DOCK4: variants seen among roughly 807,000 people sequenced by gnomAD.
DOCK4 encodes dedicator of cytokinesis protein 4.
Under a neutral mutation model 268.1 loss-of-function variants are expected in DOCK4, and 97 were observed. The observed-to-expected ratio is 0.36, with a 90% CI of 0.31 to 0.43. DOCK4 has a LOEUF of 0.43. Ranked by LOEUF, DOCK4 falls within the 20% of genes least tolerant of loss-of-function variation. DOCK4 has a pLI of 1.00. For missense variants in DOCK4, 2,145 were observed against 2,455.7 expected (o/e 0.87, Z 2.67); for synonymous variants, 954 against 887.2 (o/e 1.08, Z -1.34).
At chr7:111,900,557 C>G (rs1379141426) in intron 14 of DOCK4, 21 bp from the exon 15 acceptor site, 1 of 1,602,774 alleles carries the variant, frequency 6.2e-7, no homozygotes, top group South Asian at 1.1e-5. Flanking sequence ...GAAGAACACA[C>G]AGGTTAAAGA....
At position 111,770,225 on chromosome 7, in the gene DOCK4, A is replaced by G. The variant is rs1265887182; in HGVS notation, c.3680-548T>C. On this transcript the variant is annotated intron_variant, in intron 36 of 52. Transcript: ENST00000428084. ...CCAGAGAGGAGCTGAGTGAAGACCA[A>G]AAAAAAAAAAAAAAAGAAAAAGAAA... Among the ~76,000 whole-genome samples the G allele has an allele frequency of 1.2e-3, 161 of 130,702 alleles. 2 individuals carry two copies. Among genetic ancestry groups the G allele is most frequent in the Admixed American group, 0.012 (161 of 13,918 alleles). The allele number at this position is 130,702 out of a possible 152,430, so 85.7% of individuals were successfully genotyped here.
intron 31 of DOCK4, 73 bp downstream of exon 31, chr7:111,790,384 G>T: frequency 6.4e-7 from 1 of 1,550,558 alleles, no homozygotes; most frequent in South Asian, 1.2e-5. Flanking sequence ...AGTTGGAGTT[G>T]AATCCAGAAG....
At chr7:111,969,563 T>C (rs1797533932) in intron 8 of DOCK4, among the ~76,000 whole-genome samples, 1 of 151,524 alleles carries the variant, frequency 6.6e-6, no homozygotes. Context: ...CAAACAATCC[T>C]GCAAAGGACA....
intron 6 of DOCK4, among the ~76,000 whole-genome samples, chr7:111,985,116 A>G (rs1223839856): frequency 1.3e-5 from 2 of 152,158 alleles, no homozygotes; most frequent in Non-Finnish European, 2.9e-5. Context: ...TCAACAGAGG[A>G]ACACGAGTCT....
At chr7:112,035,901 GA>G (rs1275730221) in intron 1 of DOCK4, among the ~76,000 whole-genome samples, 15 of 151,992 alleles carry the variant, frequency 9.9e-5, no homozygotes, top group African/African-American at 3.4e-4. Context: ...GCTATAACTT[GA>G]ATAAGTTTTT....
chr7:111,765,025 C>A, intron 39 of DOCK4, 93 bp downstream of exon 39: 2 of 541,896 alleles, frequency 3.7e-6, no homozygotes, highest in Non-Finnish European at 3.1e-6. Context: ...CATATTATTA[C>A]CTGTCATATA....
At chr7:112,129,195 C>T (rs922824226) in intron 1 of DOCK4, among the ~76,000 whole-genome samples, 2 of 152,138 alleles carry the variant, frequency 1.3e-5, no homozygotes, top group African/African-American at 4.8e-5. Context: ...CTGGTGCATA[C>T]TATGGGATAC....
chr7:111,924,641 G>A (rs562970721), intron 12 of DOCK4, among the ~76,000 whole-genome samples: 2 of 152,282 alleles, frequency 1.3e-5, no homozygotes, highest in South Asian at 4.2e-4. Flanking sequence ...AATACAATTT[G>A]TGACCAGGCA....
intron 42 of DOCK4, among the ~76,000 whole-genome samples, chr7:111,748,881 A>C (rs1796451364): frequency 6.6e-6 from 1 of 152,198 alleles, no homozygotes; most frequent in South Asian, 2.1e-4. Flanking sequence ...GGAATGGAAT[A>C]GTATACAGCA....
chr7:112,083,225 C>A (rs1204519386), intron 1 of DOCK4, among the ~76,000 whole-genome samples: 1 of 151,924 alleles, frequency 6.6e-6, no homozygotes, highest in African/African-American at 2.4e-5. Flanking sequence ...TTAATATGAT[C>A]TTAACATAGT....
At chr7:111,774,152 C>A in intron 36 of DOCK4, among the ~76,000 whole-genome samples, 1 of 152,128 alleles carries the variant, frequency 6.6e-6, no homozygotes, top group South Asian at 2.1e-4. Flanking sequence ...TAATAAAAAA[C>A]AGTTTGATAG....
Position 111,823,762 on chromosome 7 carries a change from T to C in DOCK4, c.2836-1306A>G, listed in dbSNP as rs1802190556. On this transcript the variant is annotated intron_variant, in intron 26 of 52. Transcript: ENST00000428084. ...TCTGATTGAAGATAACGATATGGTG[T>C]TGCTTCAAAAATAAAAAGCAACCCC... is the stretch of plus-strand genomic sequence containing the variant. Among the ~76,000 whole-genome samples, 4 of 152,312 alleles carry C rather than the reference T, an allele frequency of 2.6e-5. No individual in the cohort carries two copies. In the South Asian group the frequency reaches 8.3e-4, roughly 32 times the overall value.
At chr7:111,841,322 G>T (rs745473120) in intron 25 of DOCK4, among the ~76,000 whole-genome samples, 2 of 151,910 alleles carry the variant, frequency 1.3e-5, no homozygotes, top group Non-Finnish European at 2.9e-5. Context: ...CCACCAACAG[G>T]CCTGGCTAAT....
chr7:111,732,480 G>A (rs1795170455), intron 51 of DOCK4, 193 bp from the exon 52 acceptor site: 2 of 605,108 alleles, frequency 3.3e-6, no homozygotes, highest in East Asian at 2.8e-5. Context: ...GGGTGGCACT[G>A]CCAAGATATG....
At chr7:111,898,767 T>C (rs1443747660) in intron 15 of DOCK4, among the ~76,000 whole-genome samples, 1 of 152,216 alleles carries the variant, frequency 6.6e-6, no homozygotes, top group East Asian at 1.9e-4. Context: ...TGCTGTTTCT[T>C]CTGACTTTTA....
At position 111,994,221 on chromosome 7, in the gene DOCK4, T is replaced by C. The variant is rs1437954796; in HGVS notation, c.229A>G (p.Met77Val). ...ACAGAGTCTTCAGTGGGAATAACCA[T>C]TTCAAATTGTCTGTGAAATTAAAAA... ...ACVKNKGQFEMVIPTEDSVIT... is the reference protein window; with the variant it reads ...ACVKNKGQFEVVIPTEDSVIT... Residue 77 changes from methionine (M) to valine (V), a missense_variant, in exon 5 of 53, where the codon ATG becomes GTG. Physicochemically the swap from Met to Val is conservative, Grantham distance 21. Around this residue, in one of 2 missense-constraint regions of DOCK4, gnomAD observed 1,598 missense variants for 1,986.7 expected, o/e 0.80. Transcript: ENST00000428084. 7 of 1,585,010 alleles carry C rather than the reference T, an allele frequency of 4.4e-6. No homozygotes were observed. Among genetic ancestry groups the C allele is most frequent in the East Asian group, 2.2e-5 (1 of 44,582 alleles).
intron 23 of DOCK4, among the ~76,000 whole-genome samples, chr7:111,862,378 T>C (rs915249319): frequency 1.3e-5 from 2 of 150,146 alleles, no homozygotes; most frequent in Non-Finnish European, 3.0e-5. Flanking sequence ...CTTAAATGTA[T>C]GTATAAAATA....
At chr7:111,909,595 A>G (rs1457268660) in intron 13 of DOCK4, among the ~76,000 whole-genome samples, 3 of 152,266 alleles carry the variant, frequency 2.0e-5, no homozygotes, top group Non-Finnish European at 4.4e-5. Flanking sequence ...TAAAATAAAC[A>G]AATAAATCCT....
At chr7:111,876,504 T>TA (rs1806888475) in intron 17 of DOCK4, among the ~76,000 whole-genome samples, 1 of 152,110 alleles carries the variant, frequency 6.6e-6, no homozygotes, top group East Asian at 1.9e-4. Context: ...ATGACAACGA[T>TA]AAAAAACTCA....
Sources: allele counts gnomAD v4.1 joint callset (sites outside exome capture counted in the v4.1 genomes callset), GRCh38; gene constraint gnomAD v4.1.1; regional missense constraint gnomAD v4.1.1; transcripts MANE v1.5; gene names NCBI Gene and HGNC (gene_info 2026-07-23, HGNC 2026-07-21).